Variants in CD3G observed in about 807,000 individuals in gnomAD.
The protein encoded by CD3G is T-cell surface glycoprotein CD3 gamma chain.
Under a neutral mutation model 28.3 loss-of-function variants are expected in CD3G, and 24 were observed. That is an observed-to-expected ratio of 0.85 (90% CI 0.61 to 1.19). The LOEUF (loss-of-function observed/expected upper bound fraction) is 1.19. CD3G is among the 50% of genes most tolerant of loss of function. The pLI, the probability that CD3G is intolerant of heterozygous loss-of-function variation, is 0.00. For synonymous variants in CD3G, 71 were observed against 75.9 expected (o/e 0.93, Z 0.34); for missense variants, 211 against 210.0 (o/e 1.00, Z -0.03).
chr11:118,345,677 C>G (rs558352269), intron 1 of CD3G, among the ~76,000 whole-genome samples: 2 of 152,012 alleles, frequency 1.3e-5, no homozygotes, highest in Non-Finnish European at 2.9e-5. Flanking sequence ...GGTGGAAGGA[C>G]AGAGTCAAGA....
Position 118,351,738 on chromosome 11 carries a change from G to A in CD3G, c.483+67G>A. ...GGGGGTAAATCTTTGGGATTGAGGG[G>A]CATGTTATTTGGAAGATCCTATACA... On this transcript the variant is annotated intron_variant, in intron 5 of 6. Transcript: ENST00000532917. 7.5e-6 allele frequency: 11 copies of A among 1,463,972 alleles called. No homozygotes were observed. The Admixed American group carries it at 8.4e-5, about 11-fold the overall frequency. 90.7% of individuals were successfully genotyped at this position (1,463,972 alleles called of 1,614,324 possible).
Position 118,351,615 on chromosome 11 carries a change from C to A in CD3G, c.440-13C>A, listed in dbSNP as rs1555121738. On this transcript the variant is annotated splice_polypyrimidine_tract_variant and intron_variant, in intron 4 of 6. Transcript: ENST00000532917. ...ATTCTACCTTGTGTGGATTCTGTTTCTTTTTTGTGCAGCTTCAGACAAGCA... is the reference window on the plus strand; with the variant it reads ...ATTCTACCTTGTGTGGATTCTGTTTATTTTTTGTGCAGCTTCAGACAAGCA... 2.5e-6 allele frequency: 4 copies of A among 1,613,646 alleles called. No homozygotes were observed. The Admixed American group carries it at 6.7e-5, about 27-fold the overall frequency.
chr11:118,351,142 G>A (rs1359402225), intron 4 of CD3G, among the ~76,000 whole-genome samples: 3 of 143,048 alleles, frequency 2.1e-5, no homozygotes, highest in Admixed American at 1.5e-4. Flanking sequence ...AGCCGAGATC[G>A]TGCCACTGCA....
intron 6 of CD3G, among the ~76,000 whole-genome samples, chr11:118,352,709 A>G (rs981196082): frequency 6.6e-6 from 1 of 152,254 alleles, no homozygotes; most frequent in Non-Finnish European, 1.5e-5. Context: ...ATCCTGTCAG[A>G]GCAGGGCCTC....
chr11:118,352,183 TCCAG>T (rs1338221591), intron 5 of CD3G, among the ~76,000 whole-genome samples: 2 of 149,678 alleles, frequency 1.3e-5, no homozygotes, highest in Admixed American at 6.7e-5. Context: ...GCCACTGCAC[TCCAG>T]CCTGGGCAAC....
chr11:118,345,792 G>A lies in CD3G; in HGVS notation c.55+1314G>A, dbSNP rs148349931. 9.3e-4 allele frequency among the ~76,000 whole-genome samples: 141 copies of A among 152,258 alleles called. 2 individuals carry two copies. In the East Asian group the frequency reaches 0.024, roughly 26 times the overall value. The stretch of plus-strand genomic sequence containing the variant: ...AAATAGGTTTATAAAGGGAAAGGAA[G>A]CTAAAGGAGAAAGGACAATAACAAC... On this transcript the variant is annotated intron_variant, in intron 1 of 6. Transcript: ENST00000532917.
chr11:118,350,807 G>A lies in CD3G; in HGVS notation c.439+124G>A. Reference sequence around the variant, plus strand: ...TTGCTAGTGTGCATAGTTGGGTGAGGCTGTATTTCTCTGAGACAGGAGAAA... The same window carrying A: ...TTGCTAGTGTGCATAGTTGGGTGAGACTGTATTTCTCTGAGACAGGAGAAA... On this transcript the variant is annotated intron_variant, in intron 4 of 6. Coordinates refer to ENST00000532917, the MANE Select transcript of CD3G (RefSeq NM_000073.3). The A allele has an allele frequency of 2.6e-6, 4 of 1,560,724 alleles. No individual in the cohort carries two copies. In the East Asian group the frequency reaches 7.6e-5, roughly 30 times the overall value.
In CD3G at chr11:118,354,446, G is replaced by T. The variant is rs1948434157; in HGVS notation, c.*1346G>T. On this transcript the variant is annotated 3_prime_UTR_variant, in exon 7 of 7. Transcript: ENST00000532917. ...GCCTCCCGAGTAGCTGAGACTACAGGCACATGCCACCACGCCCAGCTCATT... is the reference window on the plus strand; with the variant it reads ...GCCTCCCGAGTAGCTGAGACTACAGTCACATGCCACCACGCCCAGCTCATT... 6.6e-6 allele frequency: 1 copy of T among 151,178 alleles called. No homozygotes were observed. Among genetic ancestry groups the T allele is most frequent in the African/African-American group, 2.4e-5 (1 of 41,030 alleles). 9.4% of individuals were successfully genotyped at this position (151,178 alleles called of 1,614,324 possible).
At chr11:118,349,325 A>G (rs1591284040) in intron 2 of CD3G, 3 of 1,372,044 alleles carry the variant, frequency 2.2e-6, no homozygotes, top group Non-Finnish European at 2.8e-6. Context: ...ACCAGTAGGT[A>G]TTGGCGTCAC....
At position 118,351,691 on chromosome 11, in the gene CD3G, A is replaced by AAG. The variant is rs769755713; in HGVS notation, c.483+24_483+25dup. On this transcript the variant is annotated intron_variant, in intron 5 of 6. Coordinates refer to ENST00000532917, the MANE Select transcript of CD3G (RefSeq NM_000073.3). ...TACCAGGTAAGGGGATGAAGAATAAAAGAGACATTGCTGTAATTAGTGGGG... is the reference window on the plus strand; with the variant it reads ...TACCAGGTAAGGGGATGAAGAATAAAAGAGAGACATTGCTGTAATTAGTGGGG... 3 of 1,612,424 alleles carry AAG rather than the reference A, an allele frequency of 1.9e-6. No individual in the cohort carries two copies. The highest frequency in any genetic ancestry group is 3.3e-5 in the Admixed American group (2 of 60,006).
intron 1 of CD3G, among the ~76,000 whole-genome samples, chr11:118,347,421 TTTAA>T (rs1369582996): frequency 6.6e-6 from 1 of 152,246 alleles, no homozygotes; most frequent in African/African-American, 2.4e-5. Flanking sequence ...GCATATATGT[TTTAA>T]TTTTTTCACT....
intron 1 of CD3G, among the ~76,000 whole-genome samples, chr11:118,346,210 G>A (rs926507946): frequency 2.6e-5 from 4 of 152,150 alleles, no homozygotes; most frequent in Admixed American, 2.6e-4. Flanking sequence ...GAGGCAGGTG[G>A]ATCACCTGAG....
rs1040274020 is a variant in CD3G, at chr11:118,354,615, T to A, written c.*1515T>A. On this transcript the variant is annotated 3_prime_UTR_variant, in exon 7 of 7. Transcript: ENST00000532917. ...TCCCAAAGTGCTGGGATTACAGGTG[T>A]GAGCCACCGCGCCAGGCCCGTAACT... The A allele has an allele frequency of 2.0e-5, 3 of 152,064 alleles. No individual in the cohort carries two copies. Among genetic ancestry groups the A allele is most frequent in the Admixed American group, 2.0e-4 (3 of 15,252 alleles). 9.4% of individuals were successfully genotyped at this position (152,064 alleles called of 1,614,324 possible). A position where few individuals can be genotyped will look rare whatever the true frequency, so the allele number is the denominator to read the frequency against.
chr11:118,354,968 A>AT lies in CD3G; in HGVS notation c.*1874dup, dbSNP rs1318956312. 1.4e-4 allele frequency: 21 copies of AT among 152,016 alleles called. No individual in the cohort carries two copies. Among genetic ancestry groups the AT allele is most frequent in the African/African-American group, 4.6e-4 (19 of 41,470 alleles). The allele number at this position is 152,016 out of a possible 1,614,324, so 9.4% of individuals were successfully genotyped here. On this transcript the variant is annotated 3_prime_UTR_variant, in exon 7 of 7. Coordinates refer to ENST00000532917, the MANE Select transcript of CD3G (RefSeq NM_000073.3). ...TTGAATTTTGAAGTACATTTTATTGATTTTTTCTTCTATATATTGTGCTTT... is the reference window on the plus strand; with the variant it reads ...TTGAATTTTGAAGTACATTTTATTGATTTTTTTCTTCTATATATTGTGCTTT...
chr11:118,349,546 C>T (rs1054479273), intron 2 of CD3G, 197 bp from the exon 3 acceptor site: 32 of 641,244 alleles, frequency 5.0e-5, no homozygotes, highest in Middle Eastern at 3.2e-4. Flanking sequence ...TGGCGTCACC[C>T]GAGAGCATGT....
chr11:118,354,792 C>T lies in CD3G; in HGVS notation c.*1692C>T, dbSNP rs1389457856. On this transcript the variant is annotated 3_prime_UTR_variant, in exon 7 of 7. Transcript: ENST00000532917. ...GTGAAATGTGTATCAAATCTTTTGCCCATTTTTAAGTTGACTTATTTGTTT... is the reference window on the plus strand; with the variant it reads ...GTGAAATGTGTATCAAATCTTTTGCTCATTTTTAAGTTGACTTATTTGTTT... The T allele has an allele frequency of 6.6e-6, 1 of 151,918 alleles. No homozygotes were observed. Among genetic ancestry groups the T allele is most frequent in the Non-Finnish European group, 1.5e-5 (1 of 67,974 alleles). 9.4% of individuals were successfully genotyped at this position (151,918 alleles called of 1,614,324 possible). A position where few individuals can be genotyped will look rare whatever the true frequency, so the allele number is the denominator to read the frequency against.
chr11:118,347,776 G>A (rs117745694), intron 1 of CD3G, among the ~76,000 whole-genome samples: 2,714 of 152,144 alleles, frequency 0.018, 41 homozygotes, highest in Non-Finnish European at 0.026. Context: ...ATACCACCAT[G>A]CCCGGCTAAT....
Position 118,344,460 on chromosome 11 carries a change from G to A in CD3G, c.37G>A (p.Ala13Thr), listed in dbSNP as rs1948336348. Residue 13 changes from alanine (A) to threonine (T), a missense_variant, in exon 1 of 7, where the codon GCT becomes ACT. Ala to Thr is a moderately conservative substitution (Grantham distance 58). Transcript: ENST00000532917. ...GAAGGGCCTGGCTGTCCTCATCCTGGCTATCATTCTTCTTCAAGGTAAGGG... is the reference window on the plus strand; with the variant it reads ...GAAGGGCCTGGCTGTCCTCATCCTGACTATCATTCTTCTTCAAGGTAAGGG... ...QGKGLAVLIL[A>T]IILLQGTLAQ... is the part of the protein sequence containing the mutation. 6.4e-7 allele frequency: 1 copy of A among 1,570,228 alleles called. No homozygotes were observed. Among genetic ancestry groups the A allele is most frequent in the African/African-American group, 1.3e-5 (1 of 74,350 alleles).
intron 1 of CD3G, among the ~76,000 whole-genome samples, chr11:118,345,029 T>G (rs1023761269): frequency 6.6e-6 from 1 of 152,226 alleles, no homozygotes; most frequent in Non-Finnish European, 1.5e-5. Flanking sequence ...GGTGCCTGCA[T>G]GAATACTCCA....
Sources: allele counts gnomAD v4.1 joint callset (sites outside exome capture counted in the v4.1 genomes callset), GRCh38; gene constraint gnomAD v4.1.1; transcripts MANE v1.5; gene names NCBI Gene and HGNC (gene_info 2026-07-23, HGNC 2026-07-21).